PRKCQ: variants seen among roughly 807,000 people sequenced by gnomAD.
PRKCQ encodes the protein protein kinase C theta type.
In PRKCQ, 41 loss-of-function variants were observed where a neutral mutation model predicts 91.2. The observed-to-expected ratio is 0.45, with a 90% confidence interval of 0.35 to 0.58. PRKCQ has a LOEUF of 0.58. Ranked by LOEUF, PRKCQ falls within the 20% of genes least tolerant of loss-of-function variation. The pLI, the probability that PRKCQ is intolerant of heterozygous loss-of-function variation, is 0.00. For synonymous variants in PRKCQ, 307 were observed against 316.9 expected (o/e 0.97, Z 0.33); for missense variants, 673 against 896.5 (o/e 0.75, Z 3.18).
chr10:6,404,654 TTC>T, the PRKCQ span, among the ~76,000 whole-genome samples: 89 of 148,438 alleles, frequency 6.0e-4, 1 homozygote, highest in Non-Finnish European at 1.1e-3. Context: ...CTTTCCTTTT[TTC>T]TCTTTTTCTT....
chr10:6,397,413 T>A, the PRKCQ span, among the ~76,000 whole-genome samples: 1 of 122,862 alleles, frequency 8.1e-6, no homozygotes, highest in Non-Finnish European at 1.9e-5. Flanking sequence ...ATTTTTAAAT[T>A]GAATTTTTGT....
chr10:6,423,711 T>C (rs1833056800), downstream of PRKCQ, among the ~76,000 whole-genome samples: 2 of 152,200 alleles, frequency 1.3e-5, no homozygotes, highest in South Asian at 4.1e-4. Flanking sequence ...CCCTACCTCC[T>C]GGCTTCTGCT....
At chr10:6,443,438 C>T (rs946993804) in intron 15 of PRKCQ, among the ~76,000 whole-genome samples, 14 of 152,282 alleles carry the variant, frequency 9.2e-5, no homozygotes, top group African/African-American at 3.4e-4. Context: ...TAAATGGATA[C>T]AGAAACTGTG....
At chr10:6,440,807 G>T (rs1833931666) in intron 16 of PRKCQ, among the ~76,000 whole-genome samples, 1 of 152,230 alleles carries the variant, frequency 6.6e-6, no homozygotes, top group Non-Finnish European at 1.5e-5. Flanking sequence ...TGGCCAACAT[G>T]GTGAAACTCC....
At chr10:6,405,099 A>G in the PRKCQ span, among the ~76,000 whole-genome samples, 148,886 of 152,036 alleles carry the variant, frequency 0.98, 72,970 homozygotes, top group South Asian at 1. Flanking sequence ...TTCCAACCTC[A>G]GCCTCCCAGA....
the PRKCQ span, among the ~76,000 whole-genome samples, chr10:6,416,344 C>T: frequency 0.22 from 33,263 of 150,002 alleles, 3,994 homozygotes; most frequent in Non-Finnish European, 0.27. Context: ...ACCTACTGTG[C>T]AGACCTTTGT....
chr10:6,470,289 C>G (rs1016171151), intron 12 of PRKCQ, among the ~76,000 whole-genome samples: 3 of 122,798 alleles, frequency 2.4e-5, no homozygotes, highest in Non-Finnish European at 5.9e-5. Context: ...TATCACCTTT[C>G]CCCCCTGCTC....
At chr10:6,473,864 CTTTT>C (rs1359023818) in intron 12 of PRKCQ, among the ~76,000 whole-genome samples, 1 of 152,030 alleles carries the variant, frequency 6.6e-6, no homozygotes, top group African/African-American at 2.4e-5. Flanking sequence ...AGGAGTTTTT[CTTTT>C]TAATTTTAAA....
intron 3 of PRKCQ, 133 bp downstream of exon 3, chr10:6,510,862 G>T (rs1588359112): frequency 2.3e-6 from 2 of 886,820 alleles, no homozygotes; most frequent in East Asian, 5.0e-5. Context: ...CAAATCACCA[G>T]TAGGAAGTGG....
At chr10:6,412,137 CCTCGA>C in the PRKCQ span, among the ~76,000 whole-genome samples, 2 of 152,130 alleles carry the variant, frequency 1.3e-5, no homozygotes, top group Admixed American at 1.3e-4. Context: ...AGCTCAAGCT[CCTCGA>C]CTCAAGAGAT....
chr10:6,537,440 G>T (rs186323556), intron 1 of PRKCQ, among the ~76,000 whole-genome samples: 1 of 152,296 alleles, frequency 6.6e-6, no homozygotes, highest in Admixed American at 6.5e-5. Context: ...GAGAGGTGAA[G>T]ACCTTTGCTC....
chr10:6,529,534 G>A (rs1212166770), intron 1 of PRKCQ, among the ~76,000 whole-genome samples: 1 of 152,218 alleles, frequency 6.6e-6, no homozygotes, highest in Non-Finnish European at 1.5e-5. Flanking sequence ...CCTAGACTGA[G>A]AAGGGGATCT....
chr10:6,558,069 C>T (rs545711296), intron 1 of PRKCQ, among the ~76,000 whole-genome samples: 167 of 152,274 alleles, frequency 1.1e-3, no homozygotes, highest in African/African-American at 3.8e-3. Context: ...CACCCCTACA[C>T]GGGCCATGTG....
At chr10:6,552,417 T>C (rs930045290) in intron 1 of PRKCQ, among the ~76,000 whole-genome samples, 2 of 152,036 alleles carry the variant, frequency 1.3e-5, no homozygotes, top group Admixed American at 1.3e-4. Flanking sequence ...TCTCCATTCA[T>C]TCATTCTCAC....
chr10:6,433,162 T>A (rs748830643), intron 16 of PRKCQ, among the ~76,000 whole-genome samples: 7 of 152,184 alleles, frequency 4.6e-5, no homozygotes, highest in Non-Finnish European at 2.9e-5. Flanking sequence ...TCAAACAAAT[T>A]CTAAGAGAAA....
chr10:6,513,760 G>C (rs147136411), intron 2 of PRKCQ, among the ~76,000 whole-genome samples: 2 of 152,140 alleles, frequency 1.3e-5, no homozygotes, highest in African/African-American at 2.4e-5. Context: ...GCTTTTGGTG[G>C]GGGATGCAAA....
At chr10:6,395,530 G>T in the PRKCQ span, among the ~76,000 whole-genome samples, 2 of 152,144 alleles carry the variant, frequency 1.3e-5, no homozygotes, top group Admixed American at 6.5e-5. Flanking sequence ...GAGCAGCTTA[G>T]GGAGGGTCAG....
intron 1 of PRKCQ, among the ~76,000 whole-genome samples, chr10:6,561,191 C>A (rs940892423): frequency 1.3e-5 from 2 of 151,090 alleles, no homozygotes; most frequent in East Asian, 1.9e-4. Flanking sequence ...GGCAACACAG[C>A]GAAACTGTGT....
intron 13 of PRKCQ, among the ~76,000 whole-genome samples, chr10:6,462,963 C>G (rs1835438661): frequency 1.3e-5 from 2 of 150,644 alleles, no homozygotes; most frequent in South Asian, 4.2e-4. Context: ...TGAGATCACA[C>G]CACTGCACTC....
Sources: gnomAD v4.1 joint callset for allele counts (sites outside exome capture counted in the v4.1 genomes callset) on GRCh38, gnomAD v4.1.1 for gene constraint, MANE v1.5 for transcripts, NCBI Gene and HGNC (gene_info 2026-07-23, HGNC 2026-07-21) for gene names.